The following ELOVL6 variants were observed in gnomAD, a reference collection of about 807,000 sequenced individuals.
The protein encoded by ELOVL6 is ELOVL fatty acid elongase 6, also known as very long chain fatty acid elongase 6.
Under a neutral mutation model 31.7 loss-of-function variants are expected in ELOVL6, and 8 were observed. That is an observed-to-expected ratio of 0.25 (90% CI 0.15 to 0.45). The LOEUF (loss-of-function observed/expected upper bound fraction) is 0.45, where lower values mean the gene tolerates loss of function less well. ELOVL6 is among the 20% of genes least tolerant of loss of function. The pLI is 1.00. For missense variants in ELOVL6, 126 were observed against 326.4 expected, an observed-to-expected ratio of 0.39 and a Z score of 4.73; for synonymous variants, 101 against 117.7, an observed-to-expected ratio of 0.86 and a Z score of 0.92.
At chr4:110,084,144 A>ATATCACATATATG (rs1260292085) in intron 2 of ELOVL6, among the ~76,000 whole-genome samples, 2 of 111,054 alleles carry the variant, frequency 1.8e-5, no homozygotes, top group Non-Finnish European at 3.3e-5. Context: ...AATGATATAT[A>ATATCACATATATG]TGATATATAT....
intron 1 of ELOVL6, among the ~76,000 whole-genome samples, chr4:110,164,190 G>A (rs995269820): frequency 1.3e-5 from 2 of 152,080 alleles, no homozygotes; most frequent in Admixed American, 6.6e-5. Flanking sequence ...ACTTAGAAAT[G>A]GGGGCCTAGG....
chr4:110,130,189 C>T (rs1161394540), intron 1 of ELOVL6, among the ~76,000 whole-genome samples: 1 of 152,122 alleles, frequency 6.6e-6, no homozygotes, highest in Admixed American at 6.5e-5. Flanking sequence ...AGCCACCGCG[C>T]CTGGCCACCC....
rs1211626317 is a variant in ELOVL6, at chr4:110,198,559, C to T, written c.-224G>A. On this transcript the variant is annotated 5_prime_UTR_variant, in exon 1 of 4. Coordinates refer to ENST00000302274, the MANE Select transcript of ELOVL6 (RefSeq NM_024090.3). ...TCCCAGCTCCTCTCTCTGGGGCTCT[C>T]CTCCTCCCGGCGTCCGCATCCACCG... The T allele has an allele frequency of 6.2e-6, 3 of 485,470 alleles. No individual in the cohort carries two copies. The highest frequency in any genetic ancestry group is 7.3e-6 in the Non-Finnish European group (2 of 275,544). The allele number at this position is 485,470 out of a possible 1,614,324, so 30.1% of individuals were successfully genotyped here. A position where few individuals can be genotyped will look rare whatever the true frequency, so the allele number is the denominator to read the frequency against.
chr4:110,191,239 T>C (rs1759612607), intron 1 of ELOVL6, among the ~76,000 whole-genome samples: 1 of 152,192 alleles, frequency 6.6e-6, no homozygotes, highest in Non-Finnish European at 1.5e-5. Context: ...TATGCCAACA[T>C]TTGTACCTGC....
chr4:110,122,966 T>C (rs1034228834), intron 1 of ELOVL6, among the ~76,000 whole-genome samples: 2 of 152,250 alleles, frequency 1.3e-5, no homozygotes, highest in Non-Finnish European at 2.9e-5. Flanking sequence ...ATATGTCTTT[T>C]TCTTACCTAC....
intron 2 of ELOVL6, among the ~76,000 whole-genome samples, chr4:110,061,372 A>G (rs999212003): frequency 6.6e-6 from 1 of 152,034 alleles, no homozygotes; most frequent in African/African-American, 2.4e-5. Context: ...CTGGCTTTTT[A>G]CTTTCTTATC....
At chr4:110,088,432 C>A (rs1329851145) in intron 2 of ELOVL6, among the ~76,000 whole-genome samples, 1 of 152,186 alleles carries the variant, frequency 6.6e-6, no homozygotes, top group Admixed American at 6.5e-5. Flanking sequence ...CTTCCACCCA[C>A]AGATTTAATG....
intron 3 of ELOVL6, among the ~76,000 whole-genome samples, chr4:110,057,191 C>A (rs946387784): frequency 1.3e-5 from 2 of 152,122 alleles, no homozygotes; most frequent in Non-Finnish European, 2.9e-5. Context: ...CACAATTAGT[C>A]CTTGCAGGGA....
intron 2 of ELOVL6, among the ~76,000 whole-genome samples, chr4:110,084,584 A>T (rs1248543505): frequency 4.4e-4 from 24 of 54,882 alleles, no homozygotes; most frequent in African/African-American, 2.7e-3. Flanking sequence ...ATATATATAT[A>T]TATATTTTTT....
chr4:110,190,806 C>CTTT (rs201577240), intron 1 of ELOVL6, among the ~76,000 whole-genome samples: 7 of 142,218 alleles, frequency 4.9e-5, no homozygotes, highest in African/African-American at 1.3e-4. Flanking sequence ...TGCCCGGCCA[C>CTTT]TTTTTTTTTT....
At position 110,051,190 on chromosome 4, in the gene ELOVL6, C is replaced by G. The variant is rs536019386; in HGVS notation, c.*148G>C. On this transcript the variant is annotated 3_prime_UTR_variant, in exon 4 of 4. Transcript: ENST00000302274. The surrounding 1 kb of genome is among the most constrained non-coding windows in gnomAD (Gnocchi z 4.8). ...CATAAACTTACTGGGTTAAATCAACCTAATTATCCCTAAGCTGCCTTGGGT... is the reference window on the plus strand; with the variant it reads ...CATAAACTTACTGGGTTAAATCAACGTAATTATCCCTAAGCTGCCTTGGGT... The G allele has an allele frequency of 2.6e-5, 21 of 794,846 alleles. No individual in the cohort carries two copies. In the South Asian group the frequency reaches 3.7e-4, roughly 14 times the overall value. The allele number at this position is 794,846 out of a possible 1,614,324, so 49.2% of individuals were successfully genotyped here.
At chr4:110,056,577 T>C (rs1754993389) in intron 3 of ELOVL6, among the ~76,000 whole-genome samples, 1 of 152,174 alleles carries the variant, frequency 6.6e-6, no homozygotes, top group African/African-American at 2.4e-5. Context: ...ATTATCTCTA[T>C]AAAGGGTTTG....
Position 110,084,084 on chromosome 4 carries a change from G to GATATATAACATATATATGCTATATATGAT in ELOVL6, c.221+21412_221+21413insATCATATATAGCATATATATGTTATATAT, listed in dbSNP as rs1560813878. Among the ~76,000 whole-genome samples the GATATATAACATATATATGCTATATATGAT allele has an allele frequency of 1.4e-3, 109 of 77,662 alleles. 15 individuals are homozygous for GATATATAACATATATATGCTATATATGAT. The highest frequency in any genetic ancestry group is 4.6e-3 in the African/African-American group (93 of 20,402). The allele number at this position is 77,662 out of a possible 152,430, so 50.9% of individuals were successfully genotyped here. A position where few individuals can be genotyped will look rare whatever the true frequency, so the allele number is the denominator to read the frequency against. On this transcript the variant is annotated intron_variant, in intron 2 of 3. Coordinates refer to ENST00000302274, the MANE Select transcript of ELOVL6 (RefSeq NM_024090.3). ...TATATAACATATATATGCTATATATGATATATAACATATATATGATATATA... is the reference window on the plus strand; with the variant it reads ...TATATAACATATATATGCTATATATGATATATAACATATATATGCTATATATGATATATATAACATATATATGATATATA...
chr4:110,145,196 G>C (rs1758073161), intron 1 of ELOVL6, among the ~76,000 whole-genome samples: 1 of 151,914 alleles, frequency 6.6e-6, no homozygotes, highest in Non-Finnish European at 1.5e-5. Context: ...AACCAGTAAG[G>C]GTGGACAGAC....
At chr4:110,113,006 C>T (rs1201109565) in intron 1 of ELOVL6, among the ~76,000 whole-genome samples, 3 of 152,032 alleles carry the variant, frequency 2.0e-5, no homozygotes, top group Non-Finnish European at 2.9e-5. Flanking sequence ...AGGCAGATCA[C>T]GAGGTCAGGG....
chr4:110,077,022 G>A (rs913344221), intron 2 of ELOVL6, among the ~76,000 whole-genome samples: 8 of 152,184 alleles, frequency 5.3e-5, no homozygotes, highest in African/African-American at 1.9e-4. Context: ...CTGCAAGGCC[G>A]CAGCGAGGCT....
chr4:110,064,896 G>C (rs1043087975), intron 2 of ELOVL6, among the ~76,000 whole-genome samples: 1 of 152,148 alleles, frequency 6.6e-6, no homozygotes, highest in African/African-American at 2.4e-5. Flanking sequence ...CTAGCATGAC[G>C]TTGACATATA....
rs188971933 is a variant in ELOVL6 at position 110,086,137 on chromosome 4, G to A, written c.221+19360C>T. Reference sequence around the variant, plus strand: ...CATAAAATCATATTCCTATCTAATCGAAGCCACTAATGAAGTCTTTCTGGA... The same window carrying A: ...CATAAAATCATATTCCTATCTAATCAAAGCCACTAATGAAGTCTTTCTGGA... On this transcript the variant is annotated intron_variant, in intron 2 of 3. Coordinates refer to ENST00000302274, the MANE Select transcript of ELOVL6 (RefSeq NM_024090.3). Among the ~76,000 whole-genome samples, 61 of 152,122 alleles carry A rather than the reference G, an allele frequency of 4.0e-4. 1 individual carries two copies. Among genetic ancestry groups the A allele is most frequent in the Admixed American group, 2.9e-3 (44 of 15,280 alleles).
intron 1 of ELOVL6, among the ~76,000 whole-genome samples, chr4:110,126,979 C>CAA (rs397972931): frequency 0.021 from 3,015 of 145,450 alleles, 206 homozygotes; most frequent in East Asian, 0.2. Flanking sequence ...ACTGTAATTA[C>CAA]AAAAAAAAAA....
Sources: allele counts gnomAD v4.1 joint callset (sites outside exome capture counted in the v4.1 genomes callset), GRCh38; gene constraint gnomAD v4.1.1; non-coding constraint Gnocchi (gnomAD v3.1); transcripts MANE v1.5; gene names NCBI Gene and HGNC (gene_info 2026-07-23, HGNC 2026-07-21).